Variants in DMWD observed in about 807,000 individuals in gnomAD.
DMWD encodes dystrophia myotonica WD repeat-containing protein.
A neutral mutation model predicts 45.8 loss-of-function variants in DMWD; 19 were observed. The ratio of observed to expected loss-of-function variants is 0.41; its 90% CI spans 0.29 to 0.61. The LOEUF (loss-of-function observed/expected upper bound fraction) is 0.61. DMWD is among the 20% of genes least tolerant of loss of function. DMWD has a pLI of 0.25. For synonymous variants in DMWD, 515 were observed against 440.5 expected, an observed-to-expected ratio of 1.17 and a Z score of -2.12; for missense variants, 802 against 965.2, an observed-to-expected ratio of 0.83 and a Z score of 2.24.
At chr19:45,784,914 AC>A (rs1970250739) in intron 3 of DMWD, among the ~76,000 whole-genome samples, 199 bp from the exon 4 acceptor site, 1 of 152,058 alleles carries the variant, frequency 6.6e-6, no homozygotes, top group Non-Finnish European at 1.5e-5. Context: ...AAGCTGAGAC[AC>A]CCAAGACGAG....
intron 2 of DMWD, among the ~76,000 whole-genome samples, chr19:45,788,184 C>T (rs1335843967): frequency 6.6e-6 from 1 of 152,244 alleles, no homozygotes; most frequent in Admixed American, 6.5e-5. Context: ...GGCTCCAATG[C>T]CTGGGCCTGT....
At chr19:45,788,037 A>G (rs750562650) in intron 2 of DMWD, among the ~76,000 whole-genome samples, 3 of 152,158 alleles carry the variant, frequency 2.0e-5, no homozygotes, top group Non-Finnish European at 4.4e-5. Flanking sequence ...AGATCATGCC[A>G]CTGTACTCCA....
chr19:45,790,435 CG>C (rs1290038880), intron 2 of DMWD: 2 of 151,962 alleles, frequency 1.3e-5, no homozygotes, highest in Admixed American at 1.3e-4. Context: ...GGGCAGATCA[CG>C]AGGTCAGGAG....
Position 45,792,635 on chromosome 19 carries a change from G to T in DMWD, c.122C>A (p.Ala41Asp). Residue 41 changes from alanine to aspartate, a missense_variant, in exon 1 of 5, where the codon GCC becomes GAC. By Grantham distance (126) the Ala-to-Asp change is moderately radical. Transcript: ENST00000270223. ...GFYKLLPGDG[A>D]ARRSGPASAQ... ...GGAAGCCGGACCCGACCTGCGAGCG[G>T]CGCCGTCGCCCGGGAGTAGCTTGTA... 7.5e-7 allele frequency: 1 copy of T among 1,335,496 alleles called. No homozygotes were observed. Among genetic ancestry groups the T allele is most frequent in the East Asian group, 3.7e-5 (1 of 27,316 alleles). The allele number at this position is 1,335,496 out of a possible 1,614,324, so 82.7% of individuals were successfully genotyped here.
At position 45,784,124 on chromosome 19, in the gene DMWD, C is replaced by T; in HGVS notation, c.*119G>A. On this transcript the variant is annotated 3_prime_UTR_variant, in exon 5 of 5. Coordinates refer to ENST00000270223, the MANE Select transcript of DMWD (RefSeq NM_004943.2). ...CCCAAATTTTGTGCAGGTGGGGGGA[C>T]TGGAGCAGTCCATCCATCATGGTTA... 1 of 920,874 alleles carries T rather than the reference C, an allele frequency of 1.1e-6. No individual in the cohort carries two copies. The allele number at this position is 920,874 out of a possible 1,614,324, so 57.0% of individuals were successfully genotyped here.
rs1014846145 is a variant in DMWD, at chr19:45,784,778, C to T, written c.1903-63G>A. The T allele has an allele frequency of 5.8e-5, 91 of 1,582,036 alleles. 2 individuals are homozygous for T. In the South Asian group the frequency reaches 1.0e-3, roughly 18 times the overall value. ...GACTCCCCAAATCCCACCACTCTTG[C>T]CTCTGAGTCACTCAGACTGTGCTCT... On this transcript the variant is annotated intron_variant, in intron 3 of 4. Transcript: ENST00000270223.
rs1970219283 is a variant in DMWD at position 45,783,757 on chromosome 19, TAA to T, written c.*484_*485del. 1 of 453,890 alleles carries T rather than the reference TAA, an allele frequency of 2.2e-6. No individual in the cohort carries two copies. The highest frequency in any genetic ancestry group is 3.8e-6 in the Non-Finnish European group (1 of 261,090). 28.1% of individuals were successfully genotyped at this position (453,890 alleles called of 1,614,324 possible). On this transcript the variant is annotated 3_prime_UTR_variant, in exon 5 of 5. Coordinates refer to ENST00000270223, the MANE Select transcript of DMWD (RefSeq NM_004943.2). ...AGAAAACAGGGAACTTTAGTATAAA[TAA>T]GAGGTCCTGCGGGACAGGGAGGAAC...
At position 45,785,962 on chromosome 19, in the gene DMWD, C is replaced by A; in HGVS notation, c.1534G>T (p.Ala512Ser). Residue 512 changes from alanine (A) to serine (S), a missense_variant, in exon 3 of 5, where the codon GCA becomes TCA. Physicochemically the swap from Ala to Ser is moderately conservative, Grantham distance 99 (BLOSUM62 1). Transcript: ENST00000270223. ...GGKAGGPGVA[A>S]EPGTPFSIGR... ...ATGCTGAATGGTGTGCCAGGCTCTG[C>A]CGCCACACCCGGGCCGCCCGCCTTG... 6.3e-7 allele frequency: 1 copy of A among 1,580,772 alleles called. No individual in the cohort carries two copies. Among genetic ancestry groups the A allele is most frequent in the South Asian group, 1.1e-5 (1 of 88,308 alleles).
chr19:45,791,884 T>G (rs1294986208), intron 1 of DMWD, among the ~76,000 whole-genome samples: 1 of 152,114 alleles, frequency 6.6e-6, no homozygotes, highest in African/African-American at 2.4e-5. Context: ...AGACTTCTCC[T>G]CATTCCTGGG....
rs1970215046 is a variant in DMWD, at chr19:45,783,598, T to C, written c.*645A>G. 2 of 398,560 alleles carry C rather than the reference T, an allele frequency of 5.0e-6. No homozygotes were observed. The allele number at this position is 398,560 out of a possible 1,614,324, so 24.7% of individuals were successfully genotyped here. On this transcript the variant is annotated 3_prime_UTR_variant, in exon 5 of 5. Coordinates refer to ENST00000270223, the MANE Select transcript of DMWD (RefSeq NM_004943.2). ...CTCCCTGGGCTCCGGCTTTTCCTGC[T>C]ATGAAAAGGGGTGGGAGGCGCTGGG...
At chr19:45,790,738 G>A in intron 2 of DMWD, 167 bp downstream of exon 2, 1 of 665,766 alleles carries the variant, frequency 1.5e-6, no homozygotes, top group East Asian at 2.8e-5. Flanking sequence ...CACAGGGCCT[G>A]GGTACAGTAA....
At position 45,784,728 on chromosome 19, in the gene DMWD, A is replaced by G; in HGVS notation, c.1903-13T>C. On this transcript the variant is annotated splice_polypyrimidine_tract_variant and intron_variant, in intron 3 of 4. Transcript: ENST00000270223. ...CCTCGTCTGTGAACTACGGAGACAG[A>G]GGGGTCTCTTTTAGGACTCAACCAG... is the stretch of plus-strand genomic sequence containing the variant. 6.2e-7 allele frequency: 1 copy of G among 1,612,862 alleles called. No homozygotes were observed. The highest frequency in any genetic ancestry group is 8.5e-7 in the Non-Finnish European group (1 of 1,179,338).
In DMWD at chr19:45,785,717, C is replaced by G. The variant is rs529500976; in HGVS notation, c.1779G>C (p.Leu593=). 2 of 1,605,956 alleles carry G rather than the reference C, an allele frequency of 1.2e-6. No individual in the cohort carries two copies. Among genetic ancestry groups the G allele is most frequent in the South Asian group, 2.2e-5 (2 of 90,210 alleles). Reference sequence around the variant, plus strand: ...CGATCTTCTTGCACACAAGGGGCTCCAGCAGGGGCACCTCGTGGATGCGCG... The same window carrying G: ...CGATCTTCTTGCACACAAGGGGCTCGAGCAGGGGCACCTCGTGGATGCGCG... ...LCPRIHEVPL[L]EPLVCKKIAQ... is the part of the protein sequence containing the mutation. Residue 593 remains leucine, a synonymous_variant, in exon 3 of 5, where the codon CTG becomes CTC. Transcript: ENST00000270223.
In DMWD at chr19:45,792,427, C is replaced by CACG. The variant is rs1970366768; in HGVS notation, c.329_330insCGT (p.Gly110_Glu111insVal). The CACG allele has an allele frequency of 1.9e-6, 3 of 1,549,844 alleles. No individual in the cohort carries two copies. Among genetic ancestry groups the CACG allele is most frequent in the Non-Finnish European group, 1.7e-6 (2 of 1,147,724 alleles). On this transcript the variant is annotated inframe_insertion, in exon 1 of 5. Transcript: ENST00000270223. ...GCCCCGCGGGCGTGGCGGGCGGCTC[C>CACG]CCGGCCCCGGCGCTGTCCGGCTCCC...
In DMWD at chr19:45,786,585, T is replaced by C. The variant is rs1970282102; in HGVS notation, c.911A>G (p.Gln304Arg). 17 of 1,613,936 alleles carry C rather than the reference T, an allele frequency of 1.1e-5. No individual in the cohort carries two copies. Among genetic ancestry groups the C allele is most frequent in the Non-Finnish European group, 1.4e-5 (17 of 1,179,914 alleles). The change falls in exon 3 of 5, where the codon CAG becomes CGG. Residue 304 changes from glutamine (Q) to arginine (R), a missense_variant. By Grantham distance (43) the Gln-to-Arg change is conservative (BLOSUM62 1). Around this residue, in one of 9 missense-constraint regions of DMWD, gnomAD observed 146 missense variants for 212.8 expected, o/e 0.69. Transcript: ENST00000270223. Reference sequence around the variant, plus strand: ...GTGGAAGACGCGCAGGCAGCCATCCTGGCTCACACAGGCCAGGTGCCGGCC... The same window carrying C: ...GTGGAAGACGCGCAGGCAGCCATCCCGGCTCACACAGGCCAGGTGCCGGCC... The part of the protein sequence containing the change: ...PDGRHLACVS[Q>R]DGCLRVFHFD...
At position 45,785,680 on chromosome 19, in the gene DMWD, G is replaced by A; in HGVS notation, c.1816C>T (p.Leu606Phe). The change falls in exon 3 of 5, where the codon CTC becomes TTC. Residue 606 changes from leucine to phenylalanine, a missense_variant. Transcript: ENST00000270223. Reference sequence around the variant, plus strand: ...TCCTCCAGGAACAGGAGGACTGTGAGCCGCTCCTGGGCGATCTTCTTGCAC... The same window carrying A: ...TCCTCCAGGAACAGGAGGACTGTGAACCGCTCCTGGGCGATCTTCTTGCAC... ...LVCKKIAQER[L>F]TVLLFLEDCI... The A allele has an allele frequency of 6.3e-7, 1 of 1,595,186 alleles. No homozygotes were observed. The highest frequency in any genetic ancestry group is 8.6e-7 in the Non-Finnish European group (1 of 1,167,964).
At position 45,790,906 on chromosome 19, in the gene DMWD, T is replaced by C; in HGVS notation, c.623A>G (p.Glu208Gly). 6.2e-7 allele frequency: 1 copy of C among 1,601,584 alleles called. No individual in the cohort carries two copies. The highest frequency in any genetic ancestry group is 2.2e-5 in the East Asian group (1 of 44,704). ...GGGGGCTCTGGGGGCTGCAATCACC[T>C]CCTCATTGAACAGCTTGCTGGTGTC... ...KKDTSKLFNE[E>G]RLIDKTKVTY... Residue 208 changes from glutamate to glycine, a missense_variant and splice_region_variant, in exon 2 of 5, where the codon GAG (glutamate) becomes GGG (glycine). Glu to Gly is a moderately conservative substitution (Grantham distance 98, BLOSUM62 -2). Coordinates refer to ENST00000270223, the MANE Select transcript of DMWD (RefSeq NM_004943.2).
chr19:45,792,323 C>T lies in DMWD; in HGVS notation c.434G>A (p.Ser145Asn). 6.2e-7 allele frequency: 1 copy of T among 1,610,264 alleles called. No individual in the cohort carries two copies. The highest frequency in any genetic ancestry group is 1.3e-5 in the African/African-American group (1 of 74,650). ...ACGATGCAGGCCGCTCACCCGTTGG[C>T]TCCCACGACGACAGCAGCCTGGGTA... ...YFYPGCCRRG[S>N]QRSIDLNKPI... The change falls in exon 1 of 5, where the codon AGC (serine) becomes AAC (asparagine). Residue 145 changes from serine to asparagine, a missense_variant. Around this residue, in one of 9 missense-constraint regions of DMWD, gnomAD observed 82 missense variants for 92.9 expected, o/e 0.88. Coordinates refer to ENST00000270223, the MANE Select transcript of DMWD (RefSeq NM_004943.2).
In DMWD at chr19:45,783,787, G is replaced by C. The variant is rs1970220063; in HGVS notation, c.*456C>G. 4.3e-6 allele frequency: 2 copies of C among 460,916 alleles called. No homozygotes were observed. Among genetic ancestry groups the C allele is most frequent in the Non-Finnish European group, 7.5e-6 (2 of 264,994 alleles). 28.6% of individuals were successfully genotyped at this position (460,916 alleles called of 1,614,324 possible). A position where few individuals can be genotyped will look rare whatever the true frequency, so the allele number is the denominator to read the frequency against. ...GGTCCTGCGGGACAGGGAGGAACCT[G>C]AGGGGCTTCCATAATTTAACACTCT... On this transcript the variant is annotated 3_prime_UTR_variant, in exon 5 of 5. Transcript: ENST00000270223.
Sources: allele counts gnomAD v4.1 joint callset (sites outside exome capture counted in the v4.1 genomes callset), GRCh38; gene constraint gnomAD v4.1.1; regional missense constraint gnomAD v4.1.1; transcripts MANE v1.5; gene names NCBI Gene and HGNC (gene_info 2026-07-23, HGNC 2026-07-21).